Variants in ABI3BP observed in about 807,000 individuals in gnomAD.
The protein encoded by ABI3BP is ABI family member 3 binding protein.
Under a neutral mutation model 268.6 loss-of-function variants are expected in ABI3BP, and 216 were observed. That is an observed-to-expected ratio of 0.80 (90% CI 0.72 to 0.90). The LOEUF is 0.90. ABI3BP is among the 40% of genes least tolerant of loss of function. The probability of loss-of-function intolerance (pLI) is 0.00; values close to 1 mark genes in which losing one functional copy is unlikely to be tolerated. For synonymous variants in ABI3BP, 730 were observed against 730.0 expected (o/e 1.00, Z 0.00); for missense variants, 2,090 against 2,182.4 (o/e 0.96, Z 0.84).
chr3:100,935,330 G>A (rs928953466), intron 1 of ABI3BP, among the ~76,000 whole-genome samples: 1 of 152,126 alleles, frequency 6.6e-6, no homozygotes, highest in South Asian at 2.1e-4. Flanking sequence ...CTGTTCCACT[G>A]GTCTATATAT....
At chr3:100,844,177 A>G (rs1580162443) in intron 20 of ABI3BP, 1 of 985,452 alleles carries the variant, frequency 1.0e-6, no homozygotes, top group Non-Finnish European at 1.2e-6. Flanking sequence ...CAAAACAAAG[A>G]CAAATTTGAC....
Position 100,822,688 on chromosome 3 carries a change from C to T in ABI3BP, c.2804-16G>A. The T allele has an allele frequency of 6.5e-7, 1 of 1,535,064 alleles. No homozygotes were observed. Among genetic ancestry groups the T allele is most frequent in the Non-Finnish European group, 8.7e-7 (1 of 1,145,728 alleles). ...GTTTTGGAAGCTGAAGGAAGAAGTTCTTGGGTTACAACATAACTGCATTAT... is the reference window on the plus strand; with the variant it reads ...GTTTTGGAAGCTGAAGGAAGAAGTTTTTGGGTTACAACATAACTGCATTAT... On this transcript the variant is annotated splice_polypyrimidine_tract_variant and intron_variant, in intron 37 of 67. Transcript: ENST00000471714.
intron 1 of ABI3BP, among the ~76,000 whole-genome samples, chr3:100,938,188 C>A (rs180852549): frequency 1.1e-4 from 17 of 151,812 alleles, no homozygotes; most frequent in Non-Finnish European, 2.9e-5. Flanking sequence ...AAAAAATAAC[C>A]ATTGGGTACT....
Position 100,750,057 on chromosome 3 carries a change from T to A in ABI3BP, c.*438A>T, listed in dbSNP as rs971595254. 1 of 265,698 alleles carries A rather than the reference T, an allele frequency of 3.8e-6. No homozygotes were observed. Among genetic ancestry groups the A allele is most frequent in the Admixed American group, 5.3e-5 (1 of 18,838 alleles). 16.5% of individuals were successfully genotyped at this position (265,698 alleles called of 1,614,324 possible). A position where few individuals can be genotyped will look rare whatever the true frequency, so the allele number is the denominator to read the frequency against. On this transcript the variant is annotated 3_prime_UTR_variant, in exon 68 of 68. Coordinates refer to ENST00000471714, the MANE Select transcript of ABI3BP (RefSeq NM_001375547.2). ...CCAGATATACATGCTGAAGATAATT[T>A]GATCCAATAAGTTAAACTAAGTAGA...
intron 1 of ABI3BP, chr3:100,952,592 A>T (rs1339908767): frequency 1.3e-5 from 2 of 152,182 alleles, no homozygotes; most frequent in Non-Finnish European, 2.9e-5. Context: ...TTAAATTAAA[A>T]GAAGCAAATA....
intron 51 of ABI3BP, among the ~76,000 whole-genome samples, chr3:100,803,006 G>C (rs2097574234): frequency 1.4e-5 from 2 of 146,096 alleles, no homozygotes; most frequent in South Asian, 4.8e-4. Context: ...ACTGAAATGT[G>C]GTAAGAGTTG....
At chr3:100,870,287 A>G (rs2099097152) in intron 9 of ABI3BP, among the ~76,000 whole-genome samples, 1 of 152,214 alleles carries the variant, frequency 6.6e-6, no homozygotes, top group Admixed American at 6.5e-5. Flanking sequence ...TAAAGGGTTA[A>G]GATCCAAAGT....
chr3:100,839,697 A>G (rs1426827109), intron 23 of ABI3BP, 81 bp from the exon 24 acceptor site: 1 of 1,381,714 alleles, frequency 7.2e-7, no homozygotes, highest in Non-Finnish European at 9.9e-7. Context: ...TCAAGCTGGG[A>G]CACTACCTAA....
At chr3:100,757,974 T>C (rs963037920) in intron 63 of ABI3BP, among the ~76,000 whole-genome samples, 17 of 152,116 alleles carry the variant, frequency 1.1e-4, no homozygotes, top group Non-Finnish European at 2.2e-4. Flanking sequence ...AATATCTAAA[T>C]GGAATGCAGT....
At chr3:100,946,027 A>G (rs1468280098) in intron 1 of ABI3BP, among the ~76,000 whole-genome samples, 2 of 152,160 alleles carry the variant, frequency 1.3e-5, no homozygotes, top group African/African-American at 4.8e-5. Context: ...TACGTTAGAT[A>G]ATAAAATTAA....
chr3:100,901,096 A>C (rs1469223221), intron 3 of ABI3BP, among the ~76,000 whole-genome samples: 1 of 152,160 alleles, frequency 6.6e-6, no homozygotes, highest in African/African-American at 2.4e-5. Context: ...GAGTACATCT[A>C]TTTTCAAGTG....
chr3:100,843,312 ACTTGTGC>A (rs1237149228), intron 20 of ABI3BP, among the ~76,000 whole-genome samples: 1 of 152,156 alleles, frequency 6.6e-6, no homozygotes, highest in Non-Finnish European at 1.5e-5. Context: ...TTTCTCAAGA[ACTTGTGC>A]AGAAATAGAT....
At chr3:100,898,053 C>G (rs2048524452) in intron 4 of ABI3BP, among the ~76,000 whole-genome samples, 1 of 152,218 alleles carries the variant, frequency 6.6e-6, no homozygotes, top group African/African-American at 2.4e-5. Flanking sequence ...TAAATACATG[C>G]ATCAAATGGT....
Position 100,749,903 on chromosome 3 carries a change from T to C in ABI3BP, c.*592A>G. On this transcript the variant is annotated 3_prime_UTR_variant, in exon 68 of 68. Coordinates refer to ENST00000471714, the MANE Select transcript of ABI3BP (RefSeq NM_001375547.2). ...AGAATTTGTGGATGTTTAAAGGAAA[T>C]GTATATTAGCATGAATGTGTAACTA... The C allele has an allele frequency of 2.5e-6, 1 of 394,520 alleles. No individual in the cohort carries two copies. The highest frequency in any genetic ancestry group is 3.6e-5 in the East Asian group (1 of 27,848). The allele number at this position is 394,520 out of a possible 1,614,324, so 24.4% of individuals were successfully genotyped here.
chr3:100,801,127 C>A (rs967469764), intron 51 of ABI3BP, among the ~76,000 whole-genome samples: 1 of 151,508 alleles, frequency 6.6e-6, no homozygotes, highest in Non-Finnish European at 1.5e-5. Flanking sequence ...TGCATTAGTG[C>A]ATTTTTTTTT....
At chr3:100,865,197 A>T (rs1361201445) in intron 10 of ABI3BP, among the ~76,000 whole-genome samples, 1 of 152,124 alleles carries the variant, frequency 6.6e-6, no homozygotes, top group Non-Finnish European at 1.5e-5. Context: ...TTTCTTTATC[A>T]CCAGGGCTTA....
intron 14 of ABI3BP, among the ~76,000 whole-genome samples, chr3:100,861,218 T>A (rs1457293681): frequency 6.6e-6 from 1 of 152,206 alleles, no homozygotes; most frequent in Non-Finnish European, 1.5e-5. Context: ...GGGGTGACTA[T>A]AATAGACATA....
At chr3:100,980,727 C>T (rs1280773330) in intron 1 of ABI3BP, among the ~76,000 whole-genome samples, 1 of 152,140 alleles carries the variant, frequency 6.6e-6, no homozygotes, top group East Asian at 1.9e-4. Flanking sequence ...GTATTAAATG[C>T]CTGCAACTGT....
intron 50 of ABI3BP, among the ~76,000 whole-genome samples, chr3:100,806,240 A>G (rs1299304534): frequency 1.3e-5 from 2 of 152,110 alleles, no homozygotes; most frequent in African/African-American, 4.8e-5. Context: ...GGATGAACAA[A>G]ATTTGTTGCG....
Sources: allele counts gnomAD v4.1 joint callset (sites outside exome capture counted in the v4.1 genomes callset), GRCh38; gene constraint gnomAD v4.1.1; transcripts MANE v1.5; gene names NCBI Gene and HGNC (gene_info 2026-07-23, HGNC 2026-07-21).